TBC1D4: variants seen among roughly 807,000 people sequenced by gnomAD.
The protein encoded by TBC1D4 is TBC1 domain family member 4.
A neutral mutation model predicts 142.5 loss-of-function variants in TBC1D4; 121 were observed. The observed-to-expected ratio is 0.85, with a 90% CI of 0.73 to 0.99. The LOEUF (loss-of-function observed/expected upper bound fraction) is 0.99, where lower values mean the gene tolerates loss of function less well. Ranked by LOEUF, TBC1D4 falls within the 50% of genes least tolerant of loss-of-function variation. The probability of loss-of-function intolerance (pLI) is 0.00; values close to 1 mark genes in which losing one functional copy is unlikely to be tolerated. For synonymous variants in TBC1D4, 630 were observed against 628.2 expected, an observed-to-expected ratio of 1.00 and a Z score of -0.04; for missense variants, 1,475 against 1,606.6, an observed-to-expected ratio of 0.92 and a Z score of 1.40.
intron 2 of TBC1D4, 76 bp from the exon 3 acceptor site, chr13:75,359,934 T>A: frequency 8.7e-7 from 1 of 1,146,848 alleles, no homozygotes; most frequent in Non-Finnish European, 1.3e-6. Context: ...AATATTAAAC[T>A]AATAATATAG....
At chr13:75,419,244 C>A (rs1382059212) in intron 1 of TBC1D4, among the ~76,000 whole-genome samples, 1 of 152,192 alleles carries the variant, frequency 6.6e-6, no homozygotes, top group Non-Finnish European at 1.5e-5. Context: ...AGCTCTGTTG[C>A]AATCTAAGAG....
chr13:75,418,182 A>G (rs1886001907), intron 1 of TBC1D4, among the ~76,000 whole-genome samples: 1 of 152,228 alleles, frequency 6.6e-6, no homozygotes, highest in Non-Finnish European at 1.5e-5. Flanking sequence ...AGGTAATCTA[A>G]TTGCCAAAAT....
chr13:75,472,414 G>A (rs1237025820), intron 1 of TBC1D4, among the ~76,000 whole-genome samples: 2 of 151,944 alleles, frequency 1.3e-5, no homozygotes, highest in Non-Finnish European at 2.9e-5. Flanking sequence ...GCAAGACTCC[G>A]TCTCAGAGAA....
chr13:75,443,891 A>C (rs1170647082), intron 1 of TBC1D4, among the ~76,000 whole-genome samples: 2 of 152,190 alleles, frequency 1.3e-5, no homozygotes, highest in African/African-American at 4.8e-5. Flanking sequence ...TGGGAATCAG[A>C]AGAAGATACA....
chr13:75,423,542 T>A (rs1886253736), intron 1 of TBC1D4, among the ~76,000 whole-genome samples: 1 of 152,108 alleles, frequency 6.6e-6, no homozygotes, highest in Admixed American at 6.5e-5. Flanking sequence ...ATAACAAAGT[T>A]AGAAGAGATT....
intron 1 of TBC1D4, among the ~76,000 whole-genome samples, chr13:75,453,604 G>A (rs546139685): frequency 1.6e-4 from 24 of 152,280 alleles, no homozygotes; most frequent in South Asian, 2.1e-4. Flanking sequence ...GCTCACACCC[G>A]TAATCCCAGC....
chr13:75,477,353 T>A (rs1888664406), intron 1 of TBC1D4, among the ~76,000 whole-genome samples: 1 of 152,212 alleles, frequency 6.6e-6, no homozygotes, highest in South Asian at 2.1e-4. Context: ...AACTGAGAGT[T>A]GGGAAAACAC....
Position 75,302,335 on chromosome 13 carries a change from C to CAG in TBC1D4, c.2818_2819insCT (p.Arg940ThrfsTer18). On this transcript the variant is annotated frameshift_variant, in exon 16 of 21. Transcript: ENST00000377636. LOFTEE classifies it high-confidence loss of function. The stretch of plus-strand genomic sequence containing the variant: ...AGGAGGCTGTTGTTTATTAGGCAAT[C>CAG]TGTGTCTGAGTCGGTACTGTAAAGC... 1 of 1,614,186 alleles carries CAG rather than the reference C, an allele frequency of 6.2e-7. No individual in the cohort carries two copies. The highest frequency in any genetic ancestry group is 1.1e-5 in the South Asian group (1 of 91,086).
At chr13:75,294,108 T>C (rs1474591283) in intron 18 of TBC1D4, among the ~76,000 whole-genome samples, 1 of 152,238 alleles carries the variant, frequency 6.6e-6, no homozygotes, top group Non-Finnish European at 1.5e-5. Context: ...GTTGTTGTTG[T>C]TGTTGTTTTA....
At chr13:75,324,188 A>G in intron 11 of TBC1D4, 49 bp downstream of exon 11, 1 of 1,606,910 alleles carries the variant, frequency 6.2e-7, no homozygotes, top group Non-Finnish European at 8.5e-7. Flanking sequence ...ACATATCAGT[A>G]TATCACTGCA....
intron 1 of TBC1D4, among the ~76,000 whole-genome samples, chr13:75,465,150 T>C (rs148611451): frequency 0.01 from 1,535 of 152,278 alleles, 22 homozygotes; most frequent in African/African-American, 0.035. Flanking sequence ...TGCCAGAACT[T>C]GCGCAGGGCC....
Position 75,294,242 on chromosome 13 carries a change from T to C in TBC1D4, c.3316+612A>G, listed in dbSNP as rs191928401. Among the ~76,000 whole-genome samples, 747 of 152,342 alleles carry C rather than the reference T, an allele frequency of 4.9e-3. 7 individuals carry two copies. The highest frequency in any genetic ancestry group is 0.017 in the Middle Eastern group (5 of 294). The stretch of plus-strand genomic sequence containing the variant: ...TTATTCCCAATGCCAAACACTGTGC[T>C]TAGAGCAAGGCAGTTACTCAGTAAC... On this transcript the variant is annotated intron_variant, in intron 18 of 20. Coordinates refer to ENST00000377636, the MANE Select transcript of TBC1D4 (RefSeq NM_014832.5).
chr13:75,378,794 G>A (rs1241521069), intron 1 of TBC1D4, among the ~76,000 whole-genome samples: 1 of 151,942 alleles, frequency 6.6e-6, no homozygotes, highest in Non-Finnish European at 1.5e-5. Context: ...GAAAACTGAT[G>A]GCCATCAAGT....
At chr13:75,423,301 T>C (rs1886243896) in intron 1 of TBC1D4, among the ~76,000 whole-genome samples, 1 of 151,996 alleles carries the variant, frequency 6.6e-6, no homozygotes, top group Non-Finnish European at 1.5e-5. Flanking sequence ...TTTCAGAAAA[T>C]ATCTTAACAG....
intron 1 of TBC1D4, among the ~76,000 whole-genome samples, chr13:75,412,463 TA>T (rs914952891): frequency 1.2e-4 from 18 of 151,988 alleles, no homozygotes; most frequent in South Asian, 4.2e-4. Flanking sequence ...CACACACGGT[TA>T]TTTTTTTTAT....
rs756565461 is a variant in TBC1D4 at position 75,481,364 on chromosome 13, T to C, written c.404A>G (p.Asp135Gly). The stretch of plus-strand genomic sequence containing the variant: ...GATCAGGTAGGCAAAGTAGGTGAGG[T>C]CGTGGCTGTTGTGGATGAAGCGCGA... ...HISRFIHNSH[D>G]LTYFAYLIKA... is the part of the protein sequence containing the mutation. The change falls in exon 1 of 21, where the codon GAC becomes GGC. Residue 135 changes from aspartate to glycine, a missense_variant. Transcript: ENST00000377636. 1 of 1,613,728 alleles carries C rather than the reference T, an allele frequency of 6.2e-7. No homozygotes were observed. Among genetic ancestry groups the C allele is most frequent in the South Asian group, 1.1e-5 (1 of 91,078 alleles).
chr13:75,341,885 G>T (rs981468780), intron 5 of TBC1D4, among the ~76,000 whole-genome samples: 5 of 152,220 alleles, frequency 3.3e-5, no homozygotes, highest in African/African-American at 1.2e-4. Context: ...AGGTGGAGAG[G>T]AGTTTTCAGA....
intron 15 of TBC1D4, among the ~76,000 whole-genome samples, chr13:75,305,200 T>G (rs1378477464): frequency 6.6e-6 from 1 of 152,216 alleles, no homozygotes; most frequent in East Asian, 1.9e-4. Context: ...CCGCCATGAT[T>G]GTGAGGCCTC....
intron 19 of TBC1D4, among the ~76,000 whole-genome samples, 185 bp downstream of exon 19, chr13:75,291,917 G>A (rs1291836574): frequency 2.0e-5 from 3 of 152,076 alleles, no homozygotes; most frequent in Non-Finnish European, 4.4e-5. Context: ...GCACTAAACA[G>A]CATTTTTTGT....
Sources: allele counts gnomAD v4.1 joint callset (sites outside exome capture counted in the v4.1 genomes callset), GRCh38; gene constraint gnomAD v4.1.1; transcripts MANE v1.5; gene names NCBI Gene and HGNC (gene_info 2026-07-23, HGNC 2026-07-21).